Variants in BTD observed in about 807,000 individuals in gnomAD.
The protein encoded by BTD is biotinidase, also known as biocytinase.
In BTD, 13 loss-of-function variants were observed where a neutral mutation model predicts 17.7. The ratio of observed to expected loss-of-function variants is 0.74; its 90% CI spans 0.48 to 1.17. The LOEUF (loss-of-function observed/expected upper bound fraction) is 1.17, where lower values mean the gene tolerates loss of function less well. Ranked by LOEUF, BTD falls within the 50% of genes most tolerant of loss-of-function variation. The probability of loss-of-function intolerance (pLI) is 0.00; values close to 1 mark genes in which losing one functional copy is unlikely to be tolerated. For synonymous variants in BTD, 240 were observed against 245.2 expected (o/e 0.98, Z 0.20); for missense variants, 674 against 650.4 (o/e 1.04, Z -0.39).
downstream of BTD, among the ~76,000 whole-genome samples, chr3:15,656,048 C>A (rs1425281902): frequency 6.6e-6 from 1 of 152,190 alleles, no homozygotes; most frequent in African/African-American, 2.4e-5. Context: ...AGTGATCCAC[C>A]CACCTCGGCC....
intron 3 of BTD, chr3:15,685,408 A>G (rs1334709644): frequency 6.2e-7 from 1 of 1,613,770 alleles, no homozygotes; most frequent in Admixed American, 1.7e-5. Context: ...ACCATGTTGA[A>G]GTAATGCATC....
At chr3:15,675,931 T>C in intron 3 of BTD, 1 of 1,613,054 alleles carries the variant, frequency 6.2e-7, no homozygotes, top group South Asian at 1.1e-5. Flanking sequence ...CTTGCTCCTT[T>C]TCCCAAAAGT....
At chr3:15,623,781 A>G (rs1308772901) in intron 1 of BTD, among the ~76,000 whole-genome samples, 1 of 152,112 alleles carries the variant, frequency 6.6e-6, no homozygotes, top group Non-Finnish European at 1.5e-5. Context: ...CTTCCCACTT[A>G]GCTCTCTCCA....
At chr3:15,608,639 G>A (rs924040870) in intron 1 of BTD, among the ~76,000 whole-genome samples, 11 of 151,998 alleles carry the variant, frequency 7.2e-5, no homozygotes, top group African/African-American at 1.4e-4. Context: ...GGTGATGTGC[G>A]CCTGTAATCC....
intron 3 of BTD, among the ~76,000 whole-genome samples, chr3:15,706,699 C>A (rs2071480453): frequency 6.6e-6 from 1 of 152,146 alleles, no homozygotes; most frequent in Non-Finnish European, 1.5e-5. Context: ...AGTTTATAGT[C>A]CCACCAACAG....
chr3:15,716,770 T>G (rs2073118185), downstream of BTD, among the ~76,000 whole-genome samples: 1 of 152,228 alleles, frequency 6.6e-6, no homozygotes, highest in Admixed American at 6.5e-5. Flanking sequence ...TTAACATTTA[T>G]GTATACATAG....
chr3:15,632,141 C>T (rs1256135180), intron 1 of BTD, among the ~76,000 whole-genome samples: 2 of 152,170 alleles, frequency 1.3e-5, no homozygotes, highest in African/African-American at 4.8e-5. Flanking sequence ...GGCCTCGGTC[C>T]AAACATCACC....
At chr3:15,671,886 C>T (rs1485984403) in intron 3 of BTD, among the ~76,000 whole-genome samples, 1 of 151,946 alleles carries the variant, frequency 6.6e-6, no homozygotes, top group Non-Finnish European at 1.5e-5. Flanking sequence ...ACCCAGCCTA[C>T]AGTTTAGAGT....
chr3:15,685,076 C>G (rs542526107), intron 3 of BTD: 2 of 707,278 alleles, frequency 2.8e-6, no homozygotes, highest in Non-Finnish European at 4.7e-6. Context: ...AGTGAGCCTA[C>G]GTACTAAGTA....
At chr3:15,698,647 C>T (rs1158842680) in intron 3 of BTD, among the ~76,000 whole-genome samples, 2 of 152,114 alleles carry the variant, frequency 1.3e-5, no homozygotes, top group African/African-American at 2.4e-5. Flanking sequence ...ACAACTGCTA[C>T]AAAGAGAGTA....
At chr3:15,613,055 C>T (rs2064683174) in intron 1 of BTD, among the ~76,000 whole-genome samples, 1 of 152,070 alleles carries the variant, frequency 6.6e-6, no homozygotes, top group African/African-American at 2.4e-5. Flanking sequence ...TAATTCAGAC[C>T]CACCAGGGTA....
At chr3:15,670,237 C>T (rs555089934) in intron 3 of BTD, 1 of 1,602,224 alleles carries the variant, frequency 6.2e-7, no homozygotes, top group African/African-American at 1.3e-5. Flanking sequence ...CAGTTTGAAG[C>T]TTTACTGTGA....
chr3:15,604,916 C>T (rs1300248169), intron 1 of BTD, among the ~76,000 whole-genome samples: 1 of 152,200 alleles, frequency 6.6e-6, no homozygotes. Flanking sequence ...CAATAAGTCT[C>T]TAGGAGGTTC....
At chr3:15,689,791 T>C (rs1194221860) in intron 3 of BTD, 6 of 478,708 alleles carry the variant, frequency 1.3e-5, no homozygotes, top group Non-Finnish European at 2.2e-5. Context: ...ACACTGTATT[T>C]AAGTTCCCTG....
chr3:15,624,616 T>C (rs1045371619), intron 1 of BTD, among the ~76,000 whole-genome samples: 1 of 146,206 alleles, frequency 6.8e-6, no homozygotes. Context: ...TGTTCTTGCA[T>C]GTTGGCTGTT....
At chr3:15,694,703 A>G (rs1319138911) in intron 3 of BTD, 2 of 1,564,382 alleles carry the variant, frequency 1.3e-6, no homozygotes, top group East Asian at 4.5e-5. Context: ...TCAGTAAACC[A>G]GCAGCCATCA....
rs191922779 is a variant in BTD at position 15,604,491 on chromosome 3, C to T, written c.-17+2597C>T. Among the ~76,000 whole-genome samples the T allele has an allele frequency of 3.2e-3, 488 of 152,298 alleles. 4 individuals carry two copies. Among genetic ancestry groups the T allele is most frequent in the Non-Finnish European group, 5.6e-3 (384 of 68,028 alleles). ...GGTTTCTGGGCCTGTGATGGGAGGG[C>T]CTGTTGTGAAGGTCTCTGACATGCC... On this transcript the variant is annotated intron_variant, in intron 1 of 3. Coordinates refer to ENST00000643237, the MANE Select transcript of BTD (RefSeq NM_001370658.1).
intron 3 of BTD, among the ~76,000 whole-genome samples, chr3:15,671,578 GTTTTTTTTTTGT>G: frequency 7.1e-6 from 1 of 141,360 alleles, no homozygotes; most frequent in African/African-American, 2.7e-5. Flanking sequence ...AAACACTATA[GTTTTTTTTTTGT>G]TTTTTTTTTT....
At chr3:15,633,494 C>A (rs1267184527) in intron 1 of BTD, among the ~76,000 whole-genome samples, 6 of 152,202 alleles carry the variant, frequency 3.9e-5, no homozygotes, top group Non-Finnish European at 8.8e-5. Context: ...AAATGTGATA[C>A]CTTGCGGATT....
Sources: gnomAD v4.1 joint callset for allele counts (sites outside exome capture counted in the v4.1 genomes callset) on GRCh38, gnomAD v4.1.1 for gene constraint, MANE v1.5 for transcripts, NCBI Gene and HGNC (gene_info 2026-07-23, HGNC 2026-07-21) for gene names.